PHF2: variants seen among roughly 807,000 people sequenced by gnomAD.
The protein encoded by PHF2 is lysine-specific demethylase PHF2.
A neutral mutation model predicts 120.5 loss-of-function variants in PHF2; 27 were observed. The observed-to-expected ratio is 0.22, with a 90% confidence interval of 0.17 to 0.31. PHF2 has a LOEUF of 0.31. Ranked by LOEUF, PHF2 falls within the 10% of genes least tolerant of loss-of-function variation. The probability of loss-of-function intolerance (pLI) is 1.00; values close to 1 mark genes in which losing one functional copy is unlikely to be tolerated. For synonymous variants in PHF2, 568 were observed against 592.5 expected (o/e 0.96, Z 0.60); for missense variants, 1,024 against 1,434.8 (o/e 0.71, Z 4.63).
intron 5 of PHF2, among the ~76,000 whole-genome samples, chr9:93,649,690 ACACT>A (rs201934501): frequency 0.062 from 9,356 of 151,798 alleles, 395 homozygotes; most frequent in Non-Finnish European, 0.089. Context: ...CACACTCATG[ACACT>A]CACACTGACT....
intron 10 of PHF2, among the ~76,000 whole-genome samples, chr9:93,659,029 G>T (rs868842458): frequency 3.9e-5 from 6 of 152,218 alleles, no homozygotes; most frequent in South Asian, 2.1e-4. Context: ...GAAGGCCAGT[G>T]GAGATTTACA....
At chr9:93,607,962 AGG>A (rs879267645) in intron 1 of PHF2, among the ~76,000 whole-genome samples, 3 of 145,852 alleles carry the variant, frequency 2.1e-5, no homozygotes, top group Non-Finnish European at 3.0e-5. Flanking sequence ...AGAGAGAGAG[AGG>A]GAAAGAGATG....
intron 1 of PHF2, among the ~76,000 whole-genome samples, chr9:93,598,933 C>T (rs563942445): frequency 1.1e-4 from 17 of 152,212 alleles, no homozygotes; most frequent in Non-Finnish European, 2.1e-4. Context: ...CCACTGAGCC[C>T]CACCTTTTGA....
intron 1 of PHF2, among the ~76,000 whole-genome samples, chr9:93,591,809 G>T (rs1250261889): frequency 6.6e-6 from 1 of 152,198 alleles, no homozygotes; most frequent in Admixed American, 6.5e-5. Context: ...GAGAGCATCT[G>T]TCAAGAGCCC....
rs934866232 is a variant in PHF2, at chr9:93,577,569, T to C, written c.98+698T>C. On this transcript the variant is annotated intron_variant, in intron 1 of 21. Coordinates refer to ENST00000359246, the MANE Select transcript of PHF2 (RefSeq NM_005392.4). ...GCAGGAGTGCGGTGACAGAATAGTG[T>C]CTGTGAGTTGGGTAAGGGGGGTTTG... 3.9e-5 allele frequency among the ~76,000 whole-genome samples: 6 copies of C among 152,104 alleles called. No homozygotes were observed. The South Asian group carries it at 6.2e-4, about 16-fold the overall frequency.
intron 10 of PHF2, among the ~76,000 whole-genome samples, chr9:93,658,892 G>A: frequency 6.6e-6 from 1 of 152,166 alleles, no homozygotes. Flanking sequence ...CTTGGTTTTG[G>A]CTACAGAAGG....
chr9:93,663,214 T>G (rs1396668195), intron 13 of PHF2, among the ~76,000 whole-genome samples, 188 bp downstream of exon 13: 2 of 152,156 alleles, frequency 1.3e-5, no homozygotes, highest in African/African-American at 4.8e-5. Context: ...GGACTACATC[T>G]TCCTCTGAGT....
rs1826942167 is a variant in PHF2 at position 93,677,586 on chromosome 9, A to T, written c.3203-2A>T. ...TTTGTGTCCCCTCCCCGACTCCCCT[A>T]GGAAAACGTACGAAAAAGGGCATGG... is the stretch of plus-strand genomic sequence containing the variant. On this transcript the variant is annotated splice_acceptor_variant, in intron 21 of 21. Transcript: ENST00000359246. LOFTEE classifies it high-confidence loss of function. This position sits in a 1 kb window ranked among gnomAD's most constrained non-coding sequence, Gnocchi z 4.4. 6.2e-7 allele frequency: 1 copy of T among 1,612,494 alleles called. No individual in the cohort carries two copies.
At chr9:93,676,474 C>A in intron 20 of PHF2, 120 bp from the exon 21 acceptor site, 1 of 1,244,210 alleles carries the variant, frequency 8.0e-7, no homozygotes, top group Non-Finnish European at 1.1e-6. Context: ...AGGCCTCAGG[C>A]CCCTGCTGCC....
Position 93,678,606 on chromosome 9 carries a change from T to C in PHF2, c.*930T>C, listed in dbSNP as rs1826965798. 6.5e-6 allele frequency: 1 copy of C among 152,760 alleles called. No homozygotes were observed. Among genetic ancestry groups the C allele is most frequent in the Non-Finnish European group, 1.5e-5 (1 of 68,234 alleles). The allele number at this position is 152,760 out of a possible 1,614,324, so 9.5% of individuals were successfully genotyped here. On this transcript the variant is annotated 3_prime_UTR_variant, in exon 22 of 22. Coordinates refer to ENST00000359246, the MANE Select transcript of PHF2 (RefSeq NM_005392.4). ...TGGTGTCGCCTGCATGGGTCGTACC[T>C]GGATGGTGTGTCCACCATCGACACG...
intron 18 of PHF2, 92 bp downstream of exon 18, chr9:93,673,954 C>A: frequency 7.4e-7 from 1 of 1,358,702 alleles, no homozygotes; most frequent in Non-Finnish European, 9.9e-7. Context: ...TGCAGCTCTC[C>A]AAGTTACAGC....
chr9:93,612,035 T>G (rs914296365), intron 1 of PHF2, among the ~76,000 whole-genome samples: 1 of 152,214 alleles, frequency 6.6e-6, no homozygotes, highest in African/African-American at 2.4e-5. Context: ...ATGGATTTCC[T>G]TCAATCTTCC....
chr9:93,657,070 C>T (rs985790543), intron 9 of PHF2, among the ~76,000 whole-genome samples: 12 of 152,126 alleles, frequency 7.9e-5, no homozygotes, highest in African/African-American at 2.7e-4. Flanking sequence ...ATCCCCGGGC[C>T]GCCCTTTTCT....
chr9:93,615,303 T>A (rs1275051618), intron 1 of PHF2, among the ~76,000 whole-genome samples: 1 of 149,150 alleles, frequency 6.7e-6, no homozygotes, highest in Non-Finnish European at 1.5e-5. Context: ...ATGGTGATGA[T>A]GTGTGATAGT....
chr9:93,587,061 C>T (rs1189771926), intron 1 of PHF2, among the ~76,000 whole-genome samples: 1 of 152,248 alleles, frequency 6.6e-6, no homozygotes, highest in Non-Finnish European at 1.5e-5. Flanking sequence ...CAAGGCACAA[C>T]ATTCTTTAGT....
chr9:93,591,454 T>A (rs571708497), intron 1 of PHF2, among the ~76,000 whole-genome samples: 1 of 152,250 alleles, frequency 6.6e-6, no homozygotes, highest in African/African-American at 2.4e-5. Flanking sequence ...CTGCATACCA[T>A]GTGAGTAGGA....
intron 2 of PHF2, among the ~76,000 whole-genome samples, chr9:93,633,498 TCAG>T (rs1417932370): frequency 3.9e-5 from 6 of 152,198 alleles, no homozygotes; most frequent in African/African-American, 1.4e-4. Context: ...GTGACTCTGC[TCAG>T]CAGTTGTCTC....
chr9:93,624,337 GATA>G (rs1825871444), intron 1 of PHF2, among the ~76,000 whole-genome samples: 2 of 151,996 alleles, frequency 1.3e-5, no homozygotes, highest in South Asian at 2.1e-4. Flanking sequence ...TGATTGAGAT[GATA>G]ATGATGGTGT....
intron 1 of PHF2, among the ~76,000 whole-genome samples, chr9:93,600,857 C>G (rs1227496734): frequency 1.3e-5 from 2 of 152,222 alleles, no homozygotes; most frequent in Admixed American, 6.5e-5. Flanking sequence ...AAGACTGGAC[C>G]AGATCTGGTG....
Sources: gnomAD v4.1 joint callset for allele counts (sites outside exome capture counted in the v4.1 genomes callset) on GRCh38, gnomAD v4.1.1 for gene constraint, Gnocchi (gnomAD v3.1) non-coding constraint, MANE v1.5 for transcripts, NCBI Gene and HGNC (gene_info 2026-07-23, HGNC 2026-07-21) for gene names.